The following OLA1 variants were observed in gnomAD, a reference collection of about 807,000 sequenced individuals.
OLA1 encodes obg-like ATPase 1.
In OLA1, 14 loss-of-function variants were observed where a neutral mutation model predicts 48.4. That is an observed-to-expected ratio of 0.29 (90% CI 0.19 to 0.45). The LOEUF (loss-of-function observed/expected upper bound fraction) is 0.45. Among genes scored for constraint, OLA1 ranks in the 20% least tolerant of loss-of-function variants. The pLI, the probability that OLA1 is intolerant of heterozygous loss-of-function variation, is 1.00. For synonymous variants in OLA1, 127 were observed against 150.4 expected (o/e 0.84, Z 1.14); for missense variants, 325 against 467.1 (o/e 0.70, Z 2.80).
intron 4 of OLA1, among the ~76,000 whole-genome samples, chr2:174,168,231 A>G (rs1482536179): frequency 6.6e-6 from 1 of 152,198 alleles, no homozygotes; most frequent in Non-Finnish European, 1.5e-5. Flanking sequence ...GACAGGAAAA[A>G]TAGAAGAAAT....
At chr2:174,196,714 T>G (rs1046565494) in intron 4 of OLA1, among the ~76,000 whole-genome samples, 1 of 152,214 alleles carries the variant, frequency 6.6e-6, no homozygotes, top group South Asian at 2.1e-4. Context: ...GTATATGCTA[T>G]GCACATAAGA....
chr2:174,082,994 T>C (rs1297566470), intron 7 of OLA1, among the ~76,000 whole-genome samples: 1 of 152,146 alleles, frequency 6.6e-6, no homozygotes, highest in Non-Finnish European at 1.5e-5. Flanking sequence ...ACATATTATA[T>C]TGTAAGGAAC....
At chr2:174,234,690 C>T (rs945573198) in intron 2 of OLA1, among the ~76,000 whole-genome samples, 4 of 152,036 alleles carry the variant, frequency 2.6e-5, no homozygotes, top group African/African-American at 9.7e-5. Flanking sequence ...TCTTCATCTC[C>T]TAAACTCAAG....
chr2:174,244,797 G>C (rs1559023951), intron 2 of OLA1, among the ~76,000 whole-genome samples: 1 of 151,712 alleles, frequency 6.6e-6, no homozygotes, highest in Non-Finnish European at 1.5e-5. Flanking sequence ...GCTAATTTTT[G>C]TTGTGTTTTT....
intron 4 of OLA1, among the ~76,000 whole-genome samples, chr2:174,166,122 T>TA (rs56760276): frequency 2.5e-3 from 364 of 143,482 alleles, no homozygotes; most frequent in African/African-American, 4.8e-3. Flanking sequence ...GAGACTCCAT[T>TA]AAAAAAAAAA....
Position 174,137,189 on chromosome 2 carries a change from C to T in OLA1, c.549+4636G>A, listed in dbSNP as rs572539234. Among the ~76,000 whole-genome samples, 5 of 152,286 alleles carry T rather than the reference C, an allele frequency of 3.3e-5. No individual in the cohort carries two copies. In the East Asian group the frequency reaches 9.7e-4, roughly 29 times the overall value. The stretch of plus-strand genomic sequence containing the variant: ...TGAAAACAACATTAACCTCCTAGCA[C>T]ATCTCCATCAGAGCTCTGGAATGAT... On this transcript the variant is annotated intron_variant, in intron 5 of 10. Transcript: ENST00000284719.
intron 7 of OLA1, among the ~76,000 whole-genome samples, chr2:174,110,409 C>T (rs1455411265): frequency 6.6e-6 from 1 of 150,718 alleles, no homozygotes; most frequent in African/African-American, 2.4e-5. Context: ...ACCTCGGCCT[C>T]CCAAAATGCT....
intron 4 of OLA1, among the ~76,000 whole-genome samples, chr2:174,157,392 G>A (rs1686912830): frequency 6.6e-6 from 1 of 152,146 alleles, no homozygotes; most frequent in African/African-American, 2.4e-5. Flanking sequence ...CAAGTTGATG[G>A]AAAAAGACAG....
chr2:174,161,242 C>T (rs1687004184), intron 4 of OLA1, among the ~76,000 whole-genome samples: 1 of 151,948 alleles, frequency 6.6e-6, no homozygotes, highest in South Asian at 2.1e-4. Flanking sequence ...TAATATGAGA[C>T]AACATAAGTT....
At chr2:174,218,554 T>C (rs1037919789) in intron 4 of OLA1, among the ~76,000 whole-genome samples, 1 of 152,216 alleles carries the variant, frequency 6.6e-6, no homozygotes, top group Non-Finnish European at 1.5e-5. Flanking sequence ...ATACAGTAAC[T>C]TCAAAAATAT....
At chr2:174,236,799 T>C (rs1405374772) in intron 2 of OLA1, among the ~76,000 whole-genome samples, 1 of 151,954 alleles carries the variant, frequency 6.6e-6, no homozygotes, top group Non-Finnish European at 1.5e-5. Flanking sequence ...TATCTAAACA[T>C]AGAAAAGGAA....
At chr2:174,084,535 T>C (rs745539753) in intron 7 of OLA1, among the ~76,000 whole-genome samples, 3 of 152,242 alleles carry the variant, frequency 2.0e-5, no homozygotes, top group Non-Finnish European at 4.4e-5. Context: ...TAATTAAAAA[T>C]ATTATTTGAT....
intron 5 of OLA1, among the ~76,000 whole-genome samples, chr2:174,141,389 C>A (rs926841070): frequency 1.3e-5 from 2 of 152,174 alleles, no homozygotes; most frequent in African/African-American, 4.8e-5. Flanking sequence ...GGCATGTTTT[C>A]ATTCCATAAA....
In OLA1 at chr2:174,248,510, G is replaced by C. The variant is rs1356515959; in HGVS notation, c.-59C>G. On this transcript the variant is annotated 5_prime_UTR_variant, in exon 1 of 11. Transcript: ENST00000284719. Reference sequence around the variant, plus strand: ...GCGGCAGCGAGAGAAAGGTCCTGCCGGCAGCTGGAGGCGGGGAGGAAGGAG... The same window carrying C: ...GCGGCAGCGAGAGAAAGGTCCTGCCCGCAGCTGGAGGCGGGGAGGAAGGAG... 1.6e-4 allele frequency: 26 copies of C among 165,930 alleles called. No individual in the cohort carries two copies. The highest frequency in any genetic ancestry group is 2.9e-5 in the Non-Finnish European group (2 of 68,246). 10.3% of individuals were successfully genotyped at this position (165,930 alleles called of 1,614,324 possible).
At chr2:174,129,383 G>C (rs1448271215) in intron 5 of OLA1, among the ~76,000 whole-genome samples, 2 of 151,798 alleles carry the variant, frequency 1.3e-5, no homozygotes, top group Non-Finnish European at 2.9e-5. Flanking sequence ...GTGTGAACCC[G>C]GGAGGCGGAG....
At chr2:174,122,731 C>A (rs950312446) in intron 7 of OLA1, among the ~76,000 whole-genome samples, 2 of 149,442 alleles carry the variant, frequency 1.3e-5, no homozygotes, top group African/African-American at 2.5e-5. Flanking sequence ...TTTCCCCACA[C>A]ACAGTCTTTT....
intron 2 of OLA1, among the ~76,000 whole-genome samples, chr2:174,242,994 C>G (rs544796150): frequency 2.6e-5 from 4 of 151,952 alleles, no homozygotes; most frequent in Non-Finnish European, 4.4e-5. Context: ...GGCAAGGAGA[C>G]AGGCTTTTTT....
intron 7 of OLA1, among the ~76,000 whole-genome samples, chr2:174,121,775 T>G (rs1685920332): frequency 6.6e-6 from 1 of 152,154 alleles, no homozygotes; most frequent in Admixed American, 6.5e-5. Context: ...TGTCTACCAT[T>G]AGGGTCTGGG....
chr2:174,217,473 A>T (rs1688388134), intron 4 of OLA1, among the ~76,000 whole-genome samples: 1 of 152,154 alleles, frequency 6.6e-6, no homozygotes, highest in Non-Finnish European at 1.5e-5. Context: ...GTACAAGCAA[A>T]GCTCCCCTAA....
Sources: gnomAD v4.1 joint callset for allele counts (sites outside exome capture counted in the v4.1 genomes callset) on GRCh38, gnomAD v4.1.1 for gene constraint, MANE v1.5 for transcripts, NCBI Gene and HGNC (gene_info 2026-07-23, HGNC 2026-07-21) for gene names.